CDH4: variants seen among roughly 807,000 people sequenced by gnomAD.
The protein encoded by CDH4 is cadherin-4.
A neutral mutation model predicts 86.0 loss-of-function variants in CDH4; 33 were observed. That is an observed-to-expected ratio of 0.38 (90% CI 0.29 to 0.51). The LOEUF (loss-of-function observed/expected upper bound fraction) is 0.51, where lower values mean the gene tolerates loss of function less well. Ranked by LOEUF, CDH4 falls within the 20% of genes least tolerant of loss-of-function variation. The pLI, the probability that CDH4 is intolerant of heterozygous loss-of-function variation, is 0.86. For missense variants in CDH4, 1,114 were observed against 1,307.4 expected (o/e 0.85, Z 2.28); for synonymous variants, 555 against 549.4 (o/e 1.01, Z -0.14).
chr20:61,361,560 C>T (rs2084783117), intron 2 of CDH4, among the ~76,000 whole-genome samples: 1 of 152,160 alleles, frequency 6.6e-6, no homozygotes, highest in South Asian at 2.1e-4. Context: ...GGCTTTGGTT[C>T]CGAAAAGGAA....
At chr20:61,904,662 G>T (rs1056361980) in intron 8 of CDH4, among the ~76,000 whole-genome samples, 2 of 152,206 alleles carry the variant, frequency 1.3e-5, no homozygotes, top group Non-Finnish European at 1.5e-5. Flanking sequence ...TGAAGAACGG[G>T]CTCCCTCCTC....
chr20:61,450,781 G>C (rs1485845396), intron 2 of CDH4, among the ~76,000 whole-genome samples: 1 of 150,438 alleles, frequency 6.6e-6, no homozygotes, highest in Non-Finnish European at 1.5e-5. Context: ...AGGGCAGAGA[G>C]AACCCTGCTC....
At chr20:61,301,054 C>T (rs1315833730) in intron 2 of CDH4, among the ~76,000 whole-genome samples, 1 of 152,252 alleles carries the variant, frequency 6.6e-6, no homozygotes, top group African/African-American at 2.4e-5. Context: ...CGACTCTTAC[C>T]TCGCAGTGTG....
intron 2 of CDH4, among the ~76,000 whole-genome samples, chr20:61,258,481 G>A (rs2084113183): frequency 6.6e-6 from 1 of 152,096 alleles, no homozygotes; most frequent in African/African-American, 2.4e-5. Flanking sequence ...CCTCCTTACT[G>A]GAGAACTTAC....
rs1555846227 is a variant in CDH4 at position 61,838,835 on chromosome 20, A to AAG, written c.577-5832_577-5831insGA. Among the ~76,000 whole-genome samples the AAG allele has an allele frequency of 2.3e-5, 3 of 133,052 alleles. 1 individual carries two copies. Among genetic ancestry groups the AAG allele is most frequent in the South Asian group, 5.2e-4 (2 of 3,836 alleles). 87.3% of individuals were successfully genotyped at this position (133,052 alleles called of 152,430 possible). A position where few individuals can be genotyped will look rare whatever the true frequency, so the allele number is the denominator to read the frequency against. ...CAAGACCCTGTCTAAAAAAAAAAAA[A>AAG]AAAGAAAGAAAGAAAAGGAAAAGGA... On this transcript the variant is annotated intron_variant, in intron 4 of 15. Coordinates refer to ENST00000614565, the MANE Select transcript of CDH4 (RefSeq NM_001794.5).
intron 4 of CDH4, among the ~76,000 whole-genome samples, chr20:61,808,850 T>G (rs961762046): frequency 1.3e-5 from 2 of 151,284 alleles, no homozygotes; most frequent in African/African-American, 4.9e-5. Context: ...TTTGTTTAAA[T>G]CAACTTCTTT....
intron 2 of CDH4, among the ~76,000 whole-genome samples, chr20:61,617,605 A>G (rs908483995): frequency 3.3e-4 from 50 of 152,226 alleles, no homozygotes; most frequent in African/African-American, 1.2e-3. Context: ...TGGGGGCGAC[A>G]GCGTGGTCTG....
At chr20:61,670,098 G>A (rs1244713111) in intron 2 of CDH4, among the ~76,000 whole-genome samples, 2 of 152,224 alleles carry the variant, frequency 1.3e-5, no homozygotes, top group Non-Finnish European at 2.9e-5. Context: ...ATTTCCAATT[G>A]CAGGCAATAA....
intron 2 of CDH4, among the ~76,000 whole-genome samples, chr20:61,550,181 C>T (rs1488880164): frequency 6.9e-6 from 1 of 144,530 alleles, no homozygotes; most frequent in Non-Finnish European, 1.5e-5. Context: ...ACTGGCCTCC[C>T]TAGCCTGCTT....
At chr20:61,758,345 G>A (rs182398987) in intron 3 of CDH4, among the ~76,000 whole-genome samples, 1 of 152,210 alleles carries the variant, frequency 6.6e-6, no homozygotes, top group Admixed American at 6.5e-5. Context: ...ATTACTCAGT[G>A]CTCCACTGTG....
chr20:61,746,467 T>G (rs1488578366), intron 3 of CDH4, among the ~76,000 whole-genome samples: 1 of 152,166 alleles, frequency 6.6e-6, no homozygotes, highest in African/African-American at 2.4e-5. Flanking sequence ...TGCTGTTACA[T>G]CATGGATGAG....
chr20:61,726,701 G>GTGCTATCATCATCACCATCGC lies in CDH4; in HGVS notation c.170-16858_170-16838dup, dbSNP rs1555830934. 7.4e-5 allele frequency among the ~76,000 whole-genome samples: 11 copies of GTGCTATCATCATCACCATCGC among 148,226 alleles called. No homozygotes were observed. The East Asian group carries it at 1.4e-3, about 19-fold the overall frequency. On this transcript the variant is annotated intron_variant, in intron 2 of 15. Coordinates refer to ENST00000614565, the MANE Select transcript of CDH4 (RefSeq NM_001794.5). ...ACCATCAGAGCCATCATCACCATTG[G>GTGCTATCATCATCACCATCGC]TGCTATCATCATCACCATCGCTGCC...
intron 2 of CDH4, among the ~76,000 whole-genome samples, chr20:61,349,144 C>T (rs1378536451): frequency 5.9e-5 from 9 of 152,220 alleles, no homozygotes; most frequent in African/African-American, 2.2e-4. Context: ...CTATATGGAA[C>T]ATGGGCCACT....
intron 2 of CDH4, among the ~76,000 whole-genome samples, chr20:61,291,738 A>T (rs1210825005): frequency 1.3e-5 from 2 of 152,082 alleles, no homozygotes; most frequent in Non-Finnish European, 2.9e-5. Flanking sequence ...GGTTTCCATT[A>T]TCTTTTTTTT....
chr20:61,438,611 T>G (rs966582561), intron 2 of CDH4, among the ~76,000 whole-genome samples: 10 of 152,212 alleles, frequency 6.6e-5, no homozygotes, highest in Admixed American at 2.0e-4. Flanking sequence ...AATGCAAAAT[T>G]TATTTGCATG....
At chr20:61,373,340 CAGG>C in intron 2 of CDH4, among the ~76,000 whole-genome samples, 1 of 152,364 alleles carries the variant, frequency 6.6e-6, no homozygotes, top group South Asian at 2.1e-4. Context: ...GGATCCCGAG[CAGG>C]AGGGCTTGCA....
rs114120567 is a variant in CDH4 at position 61,633,606 on chromosome 20, C to T, written c.170-109957C>T. On this transcript the variant is annotated intron_variant, in intron 2 of 15. Coordinates refer to ENST00000614565, the MANE Select transcript of CDH4 (RefSeq NM_001794.5). ...ACATGTAAGACAGCCTAGATCTTCC[C>T]GGAGACCATCTATCATGGTGGTAAA... Among the ~76,000 whole-genome samples the T allele has an allele frequency of 2.7e-3, 417 of 152,336 alleles. 3 individuals are homozygous for T. The highest frequency in any genetic ancestry group is 7.7e-3 in the African/African-American group (321 of 41,584).
intron 2 of CDH4, among the ~76,000 whole-genome samples, chr20:61,532,533 C>T (rs571364492): frequency 6.6e-6 from 1 of 152,272 alleles, no homozygotes; most frequent in South Asian, 2.1e-4. Context: ...CAAGTGCACA[C>T]AACAGAAAAC....
rs1380686428 is a variant in CDH4, at chr20:61,807,841, TA to T, written c.576+34660del. Among the ~76,000 whole-genome samples the T allele has an allele frequency of 6.6e-6, 1 of 152,186 alleles. No homozygotes were observed. Among genetic ancestry groups the T allele is most frequent in the African/African-American group, 2.4e-5 (1 of 41,454 alleles). Reference sequence around the variant, plus strand: ...GCACATATCCATGCAGGATGGTCAGTACTGTCGCTTTCGTTAGGTTAGAGGC... The same window carrying T: ...GCACATATCCATGCAGGATGGTCAGTCTGTCGCTTTCGTTAGGTTAGAGGC... On this transcript the variant is annotated intron_variant, in intron 4 of 15. Transcript: ENST00000614565. This position sits in a 1 kb window ranked among gnomAD's most constrained non-coding sequence, Gnocchi z 4.5.
Sources: gnomAD v4.1 joint callset for allele counts (sites outside exome capture counted in the v4.1 genomes callset) on GRCh38, gnomAD v4.1.1 for gene constraint, Gnocchi (gnomAD v3.1) non-coding constraint, MANE v1.5 for transcripts, NCBI Gene and HGNC (gene_info 2026-07-23, HGNC 2026-07-21) for gene names.